SRRM3: variants seen among roughly 807,000 people sequenced by gnomAD.
SRRM3 encodes the protein serine/arginine repetitive matrix 3, also known as serine/arginine repetitive matrix protein 3.
A neutral mutation model predicts 66.2 loss-of-function variants in SRRM3; 27 were observed. The ratio of observed to expected loss-of-function variants is 0.41; its 90% confidence interval spans 0.30 to 0.56. The LOEUF (loss-of-function observed/expected upper bound fraction) is 0.56. Among genes scored for constraint, SRRM3 ranks in the 20% least tolerant of loss-of-function variants. SRRM3 has a pLI of 0.32. For synonymous variants in SRRM3, 391 were observed against 414.9 expected, an observed-to-expected ratio of 0.94 and a Z score of 0.70; for missense variants, 918 against 991.9, an observed-to-expected ratio of 0.93 and a Z score of 1.00.
At chr7:76,252,197 T>G (rs1801597305) in intron 3 of SRRM3, among the ~76,000 whole-genome samples, 1 of 152,204 alleles carries the variant, frequency 6.6e-6, no homozygotes, top group Non-Finnish European at 1.5e-5. Context: ...CGGAAGGGGA[T>G]GAGTGAGCTG....
At chr7:76,258,713 CAAAAAA>C (rs201265747) in intron 3 of SRRM3, among the ~76,000 whole-genome samples, 2,244 of 68,128 alleles carry the variant, frequency 0.033, 33 homozygotes, top group African/African-American at 0.1. Flanking sequence ...GACTCCATCT[CAAAAAA>C]AAAAAAAAAA....
chr7:76,238,281 C>T (rs1280049356), intron 2 of SRRM3, among the ~76,000 whole-genome samples: 9 of 152,192 alleles, frequency 5.9e-5, no homozygotes, highest in African/African-American at 1.9e-4. Flanking sequence ...AGCCAGTCCT[C>T]ACAAAGTGCC....
chr7:76,209,854 T>A (rs150182939), intron 1 of SRRM3, among the ~76,000 whole-genome samples: 5 of 152,232 alleles, frequency 3.3e-5, no homozygotes, highest in African/African-American at 1.2e-4. Flanking sequence ...AATCCTCCCA[T>A]CTCGGGCTCT....
chr7:76,208,024 C>T (rs534805875), intron 1 of SRRM3, among the ~76,000 whole-genome samples: 31 of 152,246 alleles, frequency 2.0e-4, no homozygotes, highest in African/African-American at 6.3e-4. Context: ...TTGGGGTCTG[C>T]GTGTGTGGAT....
At chr7:76,267,911 G>A (rs1386692958) in intron 11 of SRRM3, 2 of 140,576 alleles carry the variant, frequency 1.4e-5, no homozygotes, top group African/African-American at 5.5e-5. Flanking sequence ...CCCCACCTCT[G>A]AGCACCCCCC....
At chr7:76,203,869 T>C (rs566941637) in intron 1 of SRRM3, among the ~76,000 whole-genome samples, 2 of 151,950 alleles carry the variant, frequency 1.3e-5, no homozygotes, top group South Asian at 2.1e-4. Flanking sequence ...ATGCCAGCTT[T>C]ACAGGTGGGG....
At position 76,285,667 on chromosome 7, in the gene SRRM3, A is replaced by T; in HGVS notation, c.1786A>T (p.Ser596Cys). 1 of 1,551,064 alleles carries T rather than the reference A, an allele frequency of 6.4e-7. No individual in the cohort carries two copies. The highest frequency in any genetic ancestry group is 8.7e-7 in the Non-Finnish European group (1 of 1,146,902). Reference protein sequence around the residue: ...YYRPSPSSSSSCLSSDYSTRS... With the variant: ...YYRPSPSSSSCCLSSDYSTRS... ...CCGGCCCAGCCCCTCTTCCTCCTCC[A>T]GCTGCTTGAGCAGCGACTACTCGAC... is the stretch of plus-strand genomic sequence containing the variant. The change falls in exon 15 of 15, where the codon AGC becomes TGC. Residue 596 changes from serine (S) to cysteine (C), a missense_variant. Coordinates refer to ENST00000611745, the MANE Select transcript of SRRM3 (RefSeq NM_001110199.3). This position sits in a 1 kb window ranked among gnomAD's most constrained non-coding sequence, Gnocchi z 4.1.
chr7:76,239,316 G>T (rs1459105596), intron 2 of SRRM3, among the ~76,000 whole-genome samples: 1 of 152,152 alleles, frequency 6.6e-6, no homozygotes, highest in Non-Finnish European at 1.5e-5. Context: ...TTACAGGTGT[G>T]AACCACCGCA....
chr7:76,242,808 T>C (rs1801342894), intron 2 of SRRM3, among the ~76,000 whole-genome samples: 1 of 152,156 alleles, frequency 6.6e-6, no homozygotes, highest in African/African-American at 2.4e-5. Context: ...GAGAATCTAA[T>C]GCCACCACTG....
chr7:76,234,198 T>TGTGTGTGG (rs1801083476), intron 1 of SRRM3, among the ~76,000 whole-genome samples: 1 of 150,942 alleles, frequency 6.6e-6, no homozygotes, highest in African/African-American at 2.4e-5. Flanking sequence ...CCTTGGAGTG[T>TGTGTGTGG]GTGTGTGTGT....
chr7:76,284,384 G>A (rs1554612467), intron 14 of SRRM3, among the ~76,000 whole-genome samples: 1 of 152,054 alleles, frequency 6.6e-6, no homozygotes, highest in Non-Finnish European at 1.5e-5. Flanking sequence ...CACCATGTTA[G>A]TCAGGCTGGT....
chr7:76,262,961 C>T (rs1261967528), intron 8 of SRRM3, among the ~76,000 whole-genome samples: 2 of 152,148 alleles, frequency 1.3e-5, no homozygotes, highest in Admixed American at 6.6e-5. Context: ...TTCCAGCAGC[C>T]CAGAGGAAGG....
chr7:76,265,838 A>AAATATT (rs1802003138), intron 10 of SRRM3, among the ~76,000 whole-genome samples: 1 of 8,092 alleles, frequency 1.2e-4, no homozygotes, highest in African/African-American at 2.6e-3. Flanking sequence ...TTATATATAT[A>AAATATT]TATATATATA....
chr7:76,253,787 CAAAAAAAAAA>C (rs782083114), intron 3 of SRRM3, among the ~76,000 whole-genome samples: 2 of 64,788 alleles, frequency 3.1e-5, no homozygotes, highest in Non-Finnish European at 6.5e-5. Flanking sequence ...AACTCTGTTT[CAAAAAAAAAA>C]AAAAAAAAAA....
chr7:76,207,357 T>G (rs1250793445), intron 1 of SRRM3, among the ~76,000 whole-genome samples: 1 of 152,018 alleles, frequency 6.6e-6, no homozygotes, highest in Non-Finnish European at 1.5e-5. Context: ...ATCTTCATTG[T>G]ACAAGTCTTG....
rs182487245 is a variant in SRRM3 at position 76,252,542 on chromosome 7, G to A, written c.335+4253G>A. 1.4e-3 allele frequency among the ~76,000 whole-genome samples: 208 copies of A among 152,042 alleles called. 9 individuals carry two copies. The South Asian group carries it at 0.038, about 28-fold the overall frequency. On this transcript the variant is annotated intron_variant, in intron 3 of 14. Transcript: ENST00000611745. ...TTGCCATGTTGGCCAGGCTGGTCTCGAACTCCTGACCTCAAGTGATCTGCC... is the reference window on the plus strand; with the variant it reads ...TTGCCATGTTGGCCAGGCTGGTCTCAAACTCCTGACCTCAAGTGATCTGCC...
chr7:76,284,323 C>T (rs1240923985), intron 14 of SRRM3, among the ~76,000 whole-genome samples: 2 of 151,934 alleles, frequency 1.3e-5, no homozygotes, highest in Non-Finnish European at 2.9e-5. Flanking sequence ...TACAGGCACC[C>T]ACCACCACGC....
chr7:76,266,750 A>G (rs1802068475), intron 10 of SRRM3, among the ~76,000 whole-genome samples: 1 of 147,492 alleles, frequency 6.8e-6, no homozygotes, highest in Non-Finnish European at 1.5e-5. Flanking sequence ...TTGGCTCACT[A>G]CAACCTCCGC....
chr7:76,258,791 T>C (rs1583917213), intron 3 of SRRM3, among the ~76,000 whole-genome samples: 1 of 147,580 alleles, frequency 6.8e-6, no homozygotes, highest in Non-Finnish European at 1.5e-5. Context: ...GCGCGGTGGC[T>C]CACGCCTGTA....
Sources: gnomAD v4.1 joint callset for allele counts (sites outside exome capture counted in the v4.1 genomes callset) on GRCh38, gnomAD v4.1.1 for gene constraint, Gnocchi (gnomAD v3.1) non-coding constraint, MANE v1.5 for transcripts, NCBI Gene and HGNC (gene_info 2026-07-23, HGNC 2026-07-21) for gene names.